Variants in COQ3 observed in about 807,000 individuals in gnomAD.
The protein encoded by COQ3 is ubiquinone biosynthesis O-methyltransferase, mitochondrial.
In COQ3, 29 loss-of-function variants were observed where a neutral mutation model predicts 33.1. That is an observed-to-expected ratio of 0.88 (90% CI 0.65 to 1.19). The LOEUF (loss-of-function observed/expected upper bound fraction) is 1.19, where lower values mean the gene tolerates loss of function less well. Among genes scored for constraint, COQ3 ranks in the 50% most tolerant of loss-of-function variants. COQ3 has a pLI of 0.00. For synonymous variants in COQ3, 173 were observed against 157.8 expected (o/e 1.10, Z -0.72); for missense variants, 437 against 430.7 (o/e 1.01, Z -0.13).
intron 1 of COQ3, among the ~76,000 whole-genome samples, chr6:99,391,723 C>T (rs1201219085): frequency 6.6e-6 from 1 of 152,152 alleles, no homozygotes; most frequent in Admixed American, 6.5e-5. Flanking sequence ...TTAGGCCAGA[C>T]GCAGTGGCTC....
intron 3 of COQ3, among the ~76,000 whole-genome samples, chr6:99,378,640 T>G (rs531012967): frequency 6.6e-6 from 1 of 152,200 alleles, no homozygotes; most frequent in Non-Finnish European, 1.5e-5. Context: ...TGAGACGTGA[T>G]AATTTGCATT....
In COQ3 at chr6:99,380,179, G is replaced by T; in HGVS notation, c.386+10C>A. ...CCATTTAAAAAGACTTAGAGTTTCT[G>T]GAGTGTTACCTAATAAATGGCACCC... On this transcript the variant is annotated intron_variant, in intron 3 of 6. Coordinates refer to ENST00000254759, the MANE Select transcript of COQ3 (RefSeq NM_017421.4). 6.2e-6 allele frequency: 10 copies of T among 1,610,252 alleles called. No homozygotes were observed. Among genetic ancestry groups the T allele is most frequent in the African/African-American group, 1.3e-5 (1 of 74,918 alleles).
intron 2 of COQ3, among the ~76,000 whole-genome samples, chr6:99,382,496 C>T (rs1389740014): frequency 1.3e-5 from 2 of 152,152 alleles, no homozygotes; most frequent in East Asian, 3.9e-4. Context: ...TTAATATTAT[C>T]TTAGGAATAT....
chr6:99,372,378 G>A (rs1774166600), intron 5 of COQ3, among the ~76,000 whole-genome samples: 1 of 151,798 alleles, frequency 6.6e-6, no homozygotes, highest in South Asian at 2.1e-4. Flanking sequence ...AGAACAACAT[G>A]AGCACCAGGA....
chr6:99,371,097 G>T (rs1256342660), intron 6 of COQ3, among the ~76,000 whole-genome samples: 1 of 152,200 alleles, frequency 6.6e-6, no homozygotes, highest in Non-Finnish European at 1.5e-5. Flanking sequence ...GCTGATACAA[G>T]CAGGGCTCAA....
intron 6 of COQ3, among the ~76,000 whole-genome samples, chr6:99,370,343 A>ATTTTTT (rs1774095777): frequency 5.0e-5 from 3 of 60,448 alleles, no homozygotes; most frequent in African/African-American, 2.0e-4. Flanking sequence ...TCTTTTCTTT[A>ATTTTTT]CTTTTTTTTT....
chr6:99,388,387 G>A (rs537885634), intron 1 of COQ3, among the ~76,000 whole-genome samples: 1 of 152,128 alleles, frequency 6.6e-6, no homozygotes, highest in East Asian at 1.9e-4. Context: ...ACACAACACT[G>A]ATGAAAGAAA....
At chr6:99,390,598 C>T (rs1359693726) in intron 1 of COQ3, among the ~76,000 whole-genome samples, 1 of 152,248 alleles carries the variant, frequency 6.6e-6, no homozygotes, top group African/African-American at 2.4e-5. Flanking sequence ...TCCCAAAGTG[C>T]TGGGACTACA....
At chr6:99,393,318 C>T (rs1191957925) in intron 1 of COQ3, among the ~76,000 whole-genome samples, 3 of 152,028 alleles carry the variant, frequency 2.0e-5, no homozygotes, top group Non-Finnish European at 4.4e-5. Context: ...CTATTTTTCA[C>T]TGTATGATAG....
In COQ3 at chr6:99,369,516, T is replaced by A; in HGVS notation, c.*84A>T. On this transcript the variant is annotated 3_prime_UTR_variant, in exon 7 of 7. Coordinates refer to ENST00000254759, the MANE Select transcript of COQ3 (RefSeq NM_017421.4). Reference sequence around the variant, plus strand: ...TTATTGACCTTCTTTTCTTCATGATTCTCTCTCAAAGGATAAATTGTACAT... The same window carrying A: ...TTATTGACCTTCTTTTCTTCATGATACTCTCTCAAAGGATAAATTGTACAT... 9.1e-7 allele frequency: 1 copy of A among 1,098,070 alleles called. No individual in the cohort carries two copies. Among genetic ancestry groups the A allele is most frequent in the Non-Finnish European group, 1.3e-6 (1 of 766,556 alleles). The allele number at this position is 1,098,070 out of a possible 1,614,324, so 68.0% of individuals were successfully genotyped here.
Position 99,383,826 on chromosome 6 carries a change from TG to T in COQ3, c.107-3del. ...CACTGAGCTGGTTCTTCACATAAAC[TG>T]AAAAAAAAAATTAAATATCTAGAGA... On this transcript the variant is annotated splice_region_variant and splice_polypyrimidine_tract_variant and intron_variant, in intron 1 of 6. Coordinates refer to ENST00000254759, the MANE Select transcript of COQ3 (RefSeq NM_017421.4). 6.4e-7 allele frequency: 1 copy of T among 1,562,758 alleles called. No homozygotes were observed. The highest frequency in any genetic ancestry group is 8.6e-7 in the Non-Finnish European group (1 of 1,162,246).
chr6:99,393,428 T>A (rs1168869243), intron 1 of COQ3, among the ~76,000 whole-genome samples: 1 of 152,202 alleles, frequency 6.6e-6, no homozygotes, highest in Non-Finnish European at 1.5e-5. Flanking sequence ...AAAGAGATCC[T>A]TGCGGTGTCA....
intron 1 of COQ3, among the ~76,000 whole-genome samples, chr6:99,390,273 C>T (rs898647381): frequency 1.3e-5 from 2 of 151,800 alleles, no homozygotes; most frequent in African/African-American, 4.8e-5. Flanking sequence ...ACTATCCTAT[C>T]GGTAATCTAT....
intron 6 of COQ3, among the ~76,000 whole-genome samples, chr6:99,370,344 C>CTTTTTTTTTTTTTTTTTTTTTTT: frequency 1.1e-4 from 11 of 101,252 alleles, no homozygotes; most frequent in East Asian, 5.7e-4. Context: ...CTTTTCTTTA[C>CTTTTTTTTTTTTTTTTTTTTTTT]TTTTTTTTTT....
intron 4 of COQ3, 31 bp downstream of exon 4, chr6:99,377,355 A>C: frequency 6.8e-7 from 1 of 1,469,512 alleles, no homozygotes; most frequent in East Asian, 2.3e-5. Flanking sequence ...TTTTTCTCCC[A>C]GTTAAAAATG....
intron 3 of COQ3, 115 bp from the exon 4 acceptor site, chr6:99,377,600 T>C: frequency 2.4e-6 from 1 of 417,798 alleles, no homozygotes. Context: ...AATTATTCAT[T>C]TTTTTTATAA....
chr6:99,390,524 G>A (rs11760075), intron 1 of COQ3, among the ~76,000 whole-genome samples: 6 of 152,024 alleles, frequency 3.9e-5, no homozygotes, highest in Non-Finnish European at 7.4e-5. Flanking sequence ...TAGTAGAGAC[G>A]GGTTTCACCG....
At chr6:99,378,151 TATATATTTAG>T (rs1224415894) in intron 3 of COQ3, among the ~76,000 whole-genome samples, 4 of 35,434 alleles carry the variant, frequency 1.1e-4, no homozygotes, top group African/African-American at 2.6e-4. Flanking sequence ...TATATATATA[TATATATTTAG>T]AGAGAGAGAG....
At chr6:99,378,042 A>T (rs1331580455) in intron 3 of COQ3, among the ~76,000 whole-genome samples, 1 of 146,272 alleles carries the variant, frequency 6.8e-6, no homozygotes, top group Non-Finnish European at 1.5e-5. Flanking sequence ...TTACCTATAC[A>T]AACATATGTA....
Sources: allele counts gnomAD v4.1 joint callset (sites outside exome capture counted in the v4.1 genomes callset), GRCh38; gene constraint gnomAD v4.1.1; transcripts MANE v1.5; gene names NCBI Gene and HGNC (gene_info 2026-07-23, HGNC 2026-07-21).